Variants in VPS18 observed in about 807,000 individuals in gnomAD.
VPS18 encodes the protein vacuolar protein sorting-associated protein 18 homolog.
VPS18 carries 25 observed loss-of-function variants against 82.0 expected under a neutral mutation model. That is an observed-to-expected ratio of 0.30 (90% CI 0.22 to 0.43). The LOEUF is 0.43. VPS18 is among the 20% of genes least tolerant of loss of function. The pLI, the probability that VPS18 is intolerant of heterozygous loss-of-function variation, is 1.00. For missense variants in VPS18, 1,168 were observed against 1,311.1 expected (o/e 0.89, Z 1.69); for synonymous variants, 523 against 543.0 (o/e 0.96, Z 0.51).
Position 40,902,967 on chromosome 15 carries a change from C to G in VPS18, c.2548C>G (p.Gln850Glu), listed in dbSNP as rs1424230462. The G allele has an allele frequency of 3.7e-6, 6 of 1,614,284 alleles. No individual in the cohort carries two copies. The highest frequency in any genetic ancestry group is 5.1e-6 in the Non-Finnish European group (6 of 1,180,054). The change falls in exon 5 of 5, where the codon CAG (glutamine) becomes GAG (glutamate). Residue 850 changes from glutamine (Q) to glutamate (E), a missense_variant. This residue lies in a region of VPS18 where 296 missense variants were observed against 354.0 expected (regional missense o/e 0.84). Transcript: ENST00000220509. The surrounding 1 kb of genome is among the most constrained non-coding windows in gnomAD (Gnocchi z 4.2). The stretch of plus-strand genomic sequence containing the variant: ...GGGCCGCTACGGCACTGTGGAGCCC[C>G]AGGACAAATGTGCCACCTGCGACTT... ...LRGRYGTVEPQDKCATCDFPL... is the reference protein window; with the variant it reads ...LRGRYGTVEPEDKCATCDFPL...
At chr15:40,895,788 G>A in intron 1 of VPS18, 150 bp from the exon 2 acceptor site, 4 of 1,057,434 alleles carry the variant, frequency 3.8e-6, no homozygotes, top group South Asian at 1.5e-5. Context: ...ACCAGCAAAC[G>A]ACTTGATATC....
At chr15:40,898,036 G>T (rs1002583437) in intron 2 of VPS18, among the ~76,000 whole-genome samples, 3 of 151,974 alleles carry the variant, frequency 2.0e-5, no homozygotes, top group African/African-American at 7.3e-5. Flanking sequence ...CCTCGATCTC[G>T]GCTTACTGCA....
Position 40,899,628 on chromosome 15 carries a change from G to C in VPS18, c.810G>C (p.Leu270Phe). Reference protein sequence around the residue: ...EFPSNLGYSELAFYTPKLRSA... With the variant: ...EFPSNLGYSEFAFYTPKLRSA... ...CCAGCAACCTGGGCTACAGTGAGTT[G>C]GCCTTCTACACCCCCAAGCTGCGCT... Residue 270 changes from leucine to phenylalanine, a missense_variant, in exon 4 of 5, where the codon TTG becomes TTC. This residue lies in a region of VPS18 where 868 missense variants were observed against 939.8 expected (regional missense o/e 0.92). Coordinates refer to ENST00000220509, the MANE Select transcript of VPS18 (RefSeq NM_020857.3). The surrounding 1 kb of genome is among the most constrained non-coding windows in gnomAD (Gnocchi z 4.4). 6.2e-7 allele frequency: 1 copy of C among 1,611,964 alleles called. No homozygotes were observed.
rs59742241 is a variant in VPS18 at position 40,903,680 on chromosome 15, CGAGA to C, written c.*355_*358del. On this transcript the variant is annotated 3_prime_UTR_variant, in exon 5 of 5. Coordinates refer to ENST00000220509, the MANE Select transcript of VPS18 (RefSeq NM_020857.3). ...TTCCCCACACACGTCCTGTTCACCTCGAGAGAGAGAGAGAGAGAGCACCTTTCTT... is the reference window on the plus strand; with the variant it reads ...TTCCCCACACACGTCCTGTTCACCTCGAGAGAGAGAGAGAGCACCTTTCTT... The C allele has an allele frequency of 8.2e-4, 163 of 198,856 alleles. No homozygotes were observed. Among genetic ancestry groups the C allele is most frequent in the South Asian group, 1.6e-3 (10 of 6,410 alleles). The allele number at this position is 198,856 out of a possible 1,614,324, so 12.3% of individuals were successfully genotyped here. A position where few individuals can be genotyped will look rare whatever the true frequency, so the allele number is the denominator to read the frequency against.
chr15:40,898,877 C>G (rs963674056), intron 2 of VPS18, 30 bp from the exon 3 acceptor site: 45 of 1,604,986 alleles, frequency 2.8e-5, no homozygotes, highest in Non-Finnish European at 3.7e-5. Flanking sequence ...CTTCCCTTCT[C>G]TAAAGTGATG....
rs760910220 is a variant in VPS18, at chr15:40,903,018, C to T, written c.2599C>T (p.Leu867Phe). ...DFPLLNRPFY[L>F]FLCGHMFHAD... ...CCCCCTGCTCAACCGCCCTTTTTAC[C>T]TCTTCCTCTGTGGCCATATGTTCCA... Residue 867 changes from leucine (L) to phenylalanine (F), a missense_variant, in exon 5 of 5, where the codon CTC (leucine) becomes TTC (phenylalanine). Physicochemically the swap from Leu to Phe is conservative, Grantham distance 22. This residue lies in a region of VPS18 where 296 missense variants were observed against 354.0 expected (regional missense o/e 0.84). Coordinates refer to ENST00000220509, the MANE Select transcript of VPS18 (RefSeq NM_020857.3). 1.2e-6 allele frequency: 2 copies of T among 1,614,150 alleles called. No homozygotes were observed. Among genetic ancestry groups the T allele is most frequent in the African/African-American group, 2.7e-5 (2 of 74,954 alleles).
chr15:40,902,575 C>T lies in VPS18; in HGVS notation c.2197-41C>T. ...TCTCTCCCATAGTCTCCATGTTGGG[C>T]AGGGAGGGGCTTGGCCCTAAAGCCC... On this transcript the variant is annotated intron_variant, in intron 4 of 4. Coordinates refer to ENST00000220509, the MANE Select transcript of VPS18 (RefSeq NM_020857.3). The surrounding 1 kb of genome is among the most constrained non-coding windows in gnomAD (Gnocchi z 4.2). 1 of 1,571,024 alleles carries T rather than the reference C, an allele frequency of 6.4e-7. No homozygotes were observed. The highest frequency in any genetic ancestry group is 8.7e-7 in the Non-Finnish European group (1 of 1,155,122).
chr15:40,900,504 C>G lies in VPS18; in HGVS notation c.1686C>G (p.Ile562Met). Reference sequence around the variant, plus strand: ...AACACATGGTGTACTTTGCAGTGATCATGCAGGACTATGAGCGGGTGGTGG... The same window carrying G: ...AACACATGGTGTACTTTGCAGTGATGATGCAGGACTATGAGCGGGTGGTGG... ...DTEHMVYFAVIMQDYERVVAY... is the reference protein window; with the variant it reads ...DTEHMVYFAVMMQDYERVVAY... The change falls in exon 4 of 5, where the codon ATC becomes ATG. Residue 562 changes from isoleucine (I) to methionine (M), a missense_variant. This residue lies in a region of VPS18 where 868 missense variants were observed against 939.8 expected (regional missense o/e 0.92). Transcript: ENST00000220509. The surrounding 1 kb of genome is among the most constrained non-coding windows in gnomAD (Gnocchi z 5.4). 1 of 1,614,166 alleles carries G rather than the reference C, an allele frequency of 6.2e-7. No individual in the cohort carries two copies. Among genetic ancestry groups the G allele is most frequent in the South Asian group, 1.1e-5 (1 of 91,084 alleles).
chr15:40,898,682 A>G (rs1892278608), intron 2 of VPS18: 5 of 580,446 alleles, frequency 8.6e-6, no homozygotes, highest in Non-Finnish European at 1.6e-5. Flanking sequence ...CATGTTGCCC[A>G]GTCTGGTCTC....
rs1396729140 is a variant in VPS18 at position 40,899,445 on chromosome 15, G to T, written c.627G>T (p.Glu209Asp). 6.2e-7 allele frequency: 1 copy of T among 1,606,066 alleles called. No individual in the cohort carries two copies. The highest frequency in any genetic ancestry group is 8.5e-7 in the Non-Finnish European group (1 of 1,174,586). ...GTCCAGCACCTGTGTGCTCCCTTGA[G>T]GCCGAGCGGGGCCCTGATGGGCGTA... ...EGGPAPVCSLEAERGPDGRSF... is the reference protein window; with the variant it reads ...EGGPAPVCSLDAERGPDGRSF... The change falls in exon 4 of 5, where the codon GAG (glutamate) becomes GAT (aspartate). Residue 209 changes from glutamate (E) to aspartate (D), a missense_variant. Coordinates refer to ENST00000220509, the MANE Select transcript of VPS18 (RefSeq NM_020857.3). The surrounding 1 kb of genome is among the most constrained non-coding windows in gnomAD (Gnocchi z 4.4).
Position 40,900,408 on chromosome 15 carries a change from C to T in VPS18, c.1590C>T (p.Pro530=), listed in dbSNP as rs1566870222. 1.9e-6 allele frequency: 3 copies of T among 1,614,046 alleles called. No homozygotes were observed. In the South Asian group the frequency reaches 3.3e-5, roughly 18 times the overall value. The change falls in exon 4 of 5, where the codon CCC becomes CCT. Residue 530 remains proline, a synonymous_variant. Transcript: ENST00000220509. The surrounding 1 kb of genome is among the most constrained non-coding windows in gnomAD (Gnocchi z 5.4). The part of the protein sequence containing the change: ...KECFRTFLSS[P]RHKEWLFASR... ...GCTTTCGAACCTTCCTCAGCAGCCCCCGCCACAAAGAGTGGCTCTTTGCCA... is the reference window on the plus strand; with the variant it reads ...GCTTTCGAACCTTCCTCAGCAGCCCTCGCCACAAAGAGTGGCTCTTTGCCA...
In VPS18 at chr15:40,900,581, GCCA is replaced by G; in HGVS notation, c.1766_1768del (p.His589del). On this transcript the variant is annotated inframe_deletion, in exon 4 of 5. Coordinates refer to ENST00000220509, the MANE Select transcript of VPS18 (RefSeq NM_020857.3). This position sits in a 1 kb window ranked among gnomAD's most constrained non-coding sequence, Gnocchi z 5.4. ...GAGGAGGCCCTGGCCGTGCTCGCCCGCCACCGTGACCCCCAGCTCTTCTACAAG... is the reference window on the plus strand; with the variant it reads ...GAGGAGGCCCTGGCCGTGCTCGCCCGCCGTGACCCCCAGCTCTTCTACAAG... The G allele has an allele frequency of 1.9e-6, 3 of 1,613,824 alleles. No homozygotes were observed. The highest frequency in any genetic ancestry group is 2.5e-6 in the Non-Finnish European group (3 of 1,180,026).
chr15:40,895,548 G>A (rs1309783196), intron 1 of VPS18, among the ~76,000 whole-genome samples: 1 of 152,154 alleles, frequency 6.6e-6, no homozygotes, highest in African/African-American at 2.4e-5. Flanking sequence ...GCATGGGCAG[G>A]GAGGGGGGCA....
In VPS18 at chr15:40,900,705, C is replaced by T. The variant is rs1892339604; in HGVS notation, c.1887C>T (p.Ala629=). ...SRLDARQLIP[A]LVNYSQGGEV... ...TGGATGCTCGTCAGCTCATTCCTGC[C>T]CTGGTGAACTACAGCCAGGGTGGTG... is the stretch of plus-strand genomic sequence containing the variant. The change falls in exon 4 of 5, where the codon GCC becomes GCT. Residue 629 remains alanine (A), a synonymous_variant. Coordinates refer to ENST00000220509, the MANE Select transcript of VPS18 (RefSeq NM_020857.3). The surrounding 1 kb of genome is among the most constrained non-coding windows in gnomAD (Gnocchi z 5.4). The T allele has an allele frequency of 1.2e-6, 2 of 1,614,200 alleles. No homozygotes were observed. Among genetic ancestry groups the T allele is most frequent in the Non-Finnish European group, 1.7e-6 (2 of 1,180,038 alleles).
At chr15:40,898,556 CT>C in intron 2 of VPS18, 3 of 351,880 alleles carry the variant, frequency 8.5e-6, no homozygotes, top group Non-Finnish European at 5.5e-6. Flanking sequence ...ACTGCAACCT[CT>C]GCCTCCCGGG....
At position 40,894,730 on chromosome 15, in the gene VPS18, T is replaced by G. The variant is rs1325243990; in HGVS notation, c.-39T>G. On this transcript the variant is annotated 5_prime_UTR_variant, in exon 1 of 5. Coordinates refer to ENST00000220509, the MANE Select transcript of VPS18 (RefSeq NM_020857.3). ...CCCCGGGGGGGTAGCCCTTTTGTAA[T>G]CCCCAGGCCCCGGACAAAGAGCCCA... is the stretch of plus-strand genomic sequence containing the variant. The G allele has an allele frequency of 6.6e-7, 1 of 1,518,750 alleles. No individual in the cohort carries two copies. Among genetic ancestry groups the G allele is most frequent in the Non-Finnish European group, 8.9e-7 (1 of 1,128,272 alleles). 94.1% of individuals were successfully genotyped at this position (1,518,750 alleles called of 1,614,324 possible).
chr15:40,896,211 C>G (rs1892227192), intron 2 of VPS18, 132 bp downstream of exon 2: 1 of 1,324,376 alleles, frequency 7.6e-7, no homozygotes, highest in Non-Finnish European at 1.0e-6. Context: ...TATCCTATCC[C>G]TTTCCAAAGA....
At position 40,900,103 on chromosome 15, in the gene VPS18, G is replaced by A. The variant is rs1892320834; in HGVS notation, c.1285G>A (p.Glu429Lys). 6.2e-7 allele frequency: 1 copy of A among 1,613,868 alleles called. No individual in the cohort carries two copies. The highest frequency in any genetic ancestry group is 8.5e-7 in the Non-Finnish European group (1 of 1,180,034). The change falls in exon 4 of 5, where the codon GAG becomes AAG. Residue 429 changes from glutamate to lysine, a missense_variant. Coordinates refer to ENST00000220509, the MANE Select transcript of VPS18 (RefSeq NM_020857.3). The surrounding 1 kb of genome is among the most constrained non-coding windows in gnomAD (Gnocchi z 5.4). ...CTGCCTGGACACGGTCCTGGCCCGG[G>A]AGGCCGATTTCTGCTTTCGCCAGCG... The part of the protein sequence containing the change: ...PDCLDTVLAR[E>K]ADFCFRQRRY...
chr15:40,902,174 CCAATCTCGGCTCACTG>C lies in VPS18; in HGVS notation c.2197-438_2197-423del, dbSNP rs1391612607. 1.3e-5 allele frequency among the ~76,000 whole-genome samples: 2 copies of C among 151,232 alleles called. No homozygotes were observed. Among genetic ancestry groups the C allele is most frequent in the Non-Finnish European group, 2.9e-5 (2 of 67,820 alleles). ...GTTTCCCAGGCAGGAGTGCAGTGGC[CCAATCTCGGCTCACTG>C]CAAGCTCAGCCTCCCAGGTTCACGC... On this transcript the variant is annotated intron_variant, in intron 4 of 4. Coordinates refer to ENST00000220509, the MANE Select transcript of VPS18 (RefSeq NM_020857.3). The surrounding 1 kb of genome is among the most constrained non-coding windows in gnomAD (Gnocchi z 4.2).
Sources: gnomAD v4.1 joint callset for allele counts (sites outside exome capture counted in the v4.1 genomes callset) on GRCh38, gnomAD v4.1.1 for gene constraint, gnomAD v4.1.1 regional missense constraint, Gnocchi (gnomAD v3.1) non-coding constraint, MANE v1.5 for transcripts, NCBI Gene and HGNC (gene_info 2026-07-23, HGNC 2026-07-21) for gene names.